AKT1: variants seen among roughly 807,000 people sequenced by gnomAD.
The protein encoded by AKT1 is RAC-alpha serine/threonine-protein kinase.
In AKT1, 21 loss-of-function variants were observed where a neutral mutation model predicts 63.1. The observed-to-expected ratio is 0.33, with a 90% CI of 0.24 to 0.48. The LOEUF is 0.48. AKT1 is among the 20% of genes least tolerant of loss of function. The probability of loss-of-function intolerance (pLI) is 0.99; values close to 1 mark genes in which losing one functional copy is unlikely to be tolerated. For synonymous variants in AKT1, 257 were observed against 253.1 expected (o/e 1.02, Z -0.15); for missense variants, 382 against 666.0 (o/e 0.57, Z 4.69).
Position 104,769,556 on chromosome 14 carries a change from T to A in AKT1, c.*785A>T, listed in dbSNP as rs1453697124. On this transcript the variant is annotated 3_prime_UTR_variant, in exon 15 of 15. Transcript: ENST00000649815. ...GGGGCGACAGCGGAAAGGTTAAGCG[T>A]CGAAAAGGTCAAGTGCTACCGTGGA... The A allele has an allele frequency of 1.9e-6, 1 of 530,792 alleles. No individual in the cohort carries two copies. The highest frequency in any genetic ancestry group is 3.6e-6 in the Non-Finnish European group (1 of 274,412). The allele number at this position is 530,792 out of a possible 1,614,324, so 32.9% of individuals were successfully genotyped here. A position where few individuals can be genotyped will look rare whatever the true frequency, so the allele number is the denominator to read the frequency against.
intron 3 of AKT1, among the ~76,000 whole-genome samples, chr14:104,783,106 G>C (rs1406224792): frequency 6.6e-6 from 1 of 152,106 alleles, no homozygotes; most frequent in African/African-American, 2.4e-5. Context: ...CTGCAGGCCT[G>C]CACCTGCCTA....
chr14:104,781,813 T>A (rs1453464079), intron 3 of AKT1, among the ~76,000 whole-genome samples: 2 of 152,130 alleles, frequency 1.3e-5, no homozygotes, highest in Admixed American at 1.3e-4. Flanking sequence ...AGCCCACTCA[T>A]AGCTGCCTGA....
At chr14:104,780,516 G>A (rs1039281987) in intron 3 of AKT1, among the ~76,000 whole-genome samples, 2 of 152,190 alleles carry the variant, frequency 1.3e-5, no homozygotes, top group African/African-American at 2.4e-5. Context: ...AGGCTGGGAA[G>A]AGGTCTGGGC....
chr14:104,774,795 G>C, intron 8 of AKT1, 143 bp downstream of exon 8: 1 of 908,470 alleles, frequency 1.1e-6, no homozygotes, highest in Admixed American at 2.7e-5. Context: ...GACCCTCCAG[G>C]GCAGGCCTGT....
intron 1 of AKT1, chr14:104,794,445 A>G (rs891709182): frequency 6.6e-6 from 1 of 152,290 alleles, no homozygotes; most frequent in Non-Finnish European, 1.5e-5. Flanking sequence ...AGGCCAGCAC[A>G]GGGCTGCCTG....
intron 3 of AKT1, among the ~76,000 whole-genome samples, chr14:104,782,951 A>T (rs1893139125): frequency 6.6e-6 from 1 of 152,064 alleles, no homozygotes; most frequent in Non-Finnish European, 1.5e-5. Context: ...CCCAGACAGG[A>T]TGCTGGGTGG....
At chr14:104,775,297 C>CG in intron 6 of AKT1, 90 bp from the exon 7 acceptor site, 1 of 1,583,352 alleles carries the variant, frequency 6.3e-7, no homozygotes, top group Non-Finnish European at 8.5e-7. Context: ...GCCCCAGAGT[C>CG]GGAGGCAGAG....
chr14:104,784,487 C>A lies in AKT1; in HGVS notation c.47-4271G>T, dbSNP rs148686406. Among the ~76,000 whole-genome samples, 28 of 152,348 alleles carry A rather than the reference C, an allele frequency of 1.8e-4. No individual in the cohort carries two copies. In the East Asian group the frequency reaches 4.4e-3, roughly 24 times the overall value. On this transcript the variant is annotated intron_variant, in intron 3 of 14. Transcript: ENST00000649815. Reference sequence around the variant, plus strand: ...ACCCCAGCCCTGGTCCCTCTGGCATCCCGATGTCCCGGGTGGCCCTCCGGC... The same window carrying A: ...ACCCCAGCCCTGGTCCCTCTGGCATACCGATGTCCCGGGTGGCCCTCCGGC...
chr14:104,792,749 T>A, intron 2 of AKT1, 27 bp from the exon 3 acceptor site: 1 of 1,414,080 alleles, frequency 7.1e-7, no homozygotes, highest in Non-Finnish European at 9.9e-7. Context: ...AAGCTGAATG[T>A]GAGGCCACGC....
chr14:104,772,827 G>A, intron 12 of AKT1, 51 bp downstream of exon 12: 1 of 1,556,604 alleles, frequency 6.4e-7, no homozygotes, highest in Non-Finnish European at 8.7e-7. Flanking sequence ...GGTGCAGCCT[G>A]GGGATGAGGG....
rs1359595334 is a variant in AKT1 at position 104,770,183 on chromosome 14, C to T, written c.*158G>A. On this transcript the variant is annotated 3_prime_UTR_variant, in exon 15 of 15. Coordinates refer to ENST00000649815, the MANE Select transcript of AKT1 (RefSeq NM_001382430.1). ...CCCTACCCCGCTGCGGGGGAGGGTG[C>T]TGCCCACAGCACAAAAACGTCTTTC... The T allele has an allele frequency of 8.0e-6, 6 of 753,554 alleles. No individual in the cohort carries two copies. The highest frequency in any genetic ancestry group is 6.3e-5 in the South Asian group (4 of 63,528). The allele number at this position is 753,554 out of a possible 1,614,324, so 46.7% of individuals were successfully genotyped here. A position where few individuals can be genotyped will look rare whatever the true frequency, so the allele number is the denominator to read the frequency against.
At chr14:104,787,294 T>C (rs1893382267) in intron 3 of AKT1, among the ~76,000 whole-genome samples, 1 of 152,178 alleles carries the variant, frequency 6.6e-6, no homozygotes, top group Non-Finnish European at 1.5e-5. Context: ...AGCCCCATCC[T>C]GGCCTGGAGC....
chr14:104,784,229 A>G (rs1250527493), intron 3 of AKT1, among the ~76,000 whole-genome samples: 1 of 152,104 alleles, frequency 6.6e-6, no homozygotes, highest in South Asian at 2.1e-4. Flanking sequence ...ACCCTGTGAC[A>G]CTGCACCTAT....
chr14:104,775,806 G>A lies in AKT1; in HGVS notation c.288-7C>T, dbSNP rs752369759. 2 of 1,613,242 alleles carry A rather than the reference G, an allele frequency of 1.2e-6. No individual in the cohort carries two copies. The highest frequency in any genetic ancestry group is 1.7e-5 in the Admixed American group (1 of 59,986). ...GGCGGTTGTCCACTCCTCCCTGCAG[G>A]AGGTCAGGTGAGGCTGCAGGCCTGT... is the stretch of plus-strand genomic sequence containing the variant. On this transcript the variant is annotated splice_region_variant and splice_polypyrimidine_tract_variant and intron_variant, in intron 5 of 14. Transcript: ENST00000649815.
rs1404978877 is a variant in AKT1 at position 104,795,312 on chromosome 14, C to A, written c.-258+172G>T. On this transcript the variant is annotated intron_variant, in intron 1 of 14. Coordinates refer to ENST00000649815, the MANE Select transcript of AKT1 (RefSeq NM_001382430.1). This position sits in a 1 kb window ranked among gnomAD's most constrained non-coding sequence, Gnocchi z 5.1. Reference sequence around the variant, plus strand: ...GTGGGGCCGCCCTCCCTTGGCCGGGCCCGCGCGCCCCGCGCCCTCCCCGCC... The same window carrying A: ...GTGGGGCCGCCCTCCCTTGGCCGGGACCGCGCGCCCCGCGCCCTCCCCGCC... Among the ~76,000 whole-genome samples the A allele has an allele frequency of 6.7e-6, 1 of 150,084 alleles. No homozygotes were observed. The highest frequency in any genetic ancestry group is 2.4e-5 in the African/African-American group (1 of 41,200).
At chr14:104,779,931 G>A (rs1248347721) in intron 4 of AKT1, among the ~76,000 whole-genome samples, 157 bp downstream of exon 4, 10 of 151,886 alleles carry the variant, frequency 6.6e-5, no homozygotes, top group African/African-American at 1.2e-4. Flanking sequence ...AGCCAGCCTC[G>A]GGACTCGGCC....
rs1393577046 is a variant in AKT1 at position 104,772,973 on chromosome 14, C to T, written c.1077G>A (p.Glu359=). ...AGCGGATCTCCTCCATGAGGATGAG[C>T]TCAAAAAGCTTCTCATGGTCCTGGT... ...FYNQDHEKLF[E]LILMEEIRFP... The change falls in exon 12 of 15, where the codon GAG becomes GAA. Residue 359 remains glutamate, a synonymous_variant. Coordinates refer to ENST00000649815, the MANE Select transcript of AKT1 (RefSeq NM_001382430.1). 3 of 1,614,000 alleles carry T rather than the reference C, an allele frequency of 1.9e-6. No individual in the cohort carries two copies. The highest frequency in any genetic ancestry group is 1.7e-6 in the Non-Finnish European group (2 of 1,180,022).
At chr14:104,775,478 T>C (rs1300529823) in intron 6 of AKT1, 174 bp downstream of exon 6, 4 of 1,092,266 alleles carry the variant, frequency 3.7e-6, no homozygotes, top group South Asian at 1.6e-5. Flanking sequence ...TCCTCTGACA[T>C]GGGGAAGAGG....
chr14:104,795,475 G>A lies in AKT1; in HGVS notation c.-258+9C>T, dbSNP rs1195940347. The A allele has an allele frequency of 6.8e-6, 1 of 146,426 alleles. No homozygotes were observed. The highest frequency in any genetic ancestry group is 2.4e-5 in the African/African-American group (1 of 40,818). The allele number at this position is 146,426 out of a possible 1,614,324, so 9.1% of individuals were successfully genotyped here. A position where few individuals can be genotyped will look rare whatever the true frequency, so the allele number is the denominator to read the frequency against. On this transcript the variant is annotated intron_variant, in intron 1 of 14. Transcript: ENST00000649815. The surrounding 1 kb of genome is among the most constrained non-coding windows in gnomAD (Gnocchi z 5.1). ...CAGGCCCGGGCGGCCACGGCGGGCG[G>A]GGACTCACCGGGCCGCCGCGTCCGG... is the stretch of plus-strand genomic sequence containing the variant.
Sources: gnomAD v4.1 joint callset for allele counts (sites outside exome capture counted in the v4.1 genomes callset) on GRCh38, gnomAD v4.1.1 for gene constraint, Gnocchi (gnomAD v3.1) non-coding constraint, MANE v1.5 for transcripts, NCBI Gene and HGNC (gene_info 2026-07-23, HGNC 2026-07-21) for gene names.